Variants in EFR3A observed in about 807,000 individuals in gnomAD.
EFR3A encodes the protein protein EFR3 homolog A.
EFR3A carries 76 observed loss-of-function variants against 104.4 expected under a neutral mutation model. The observed-to-expected ratio is 0.73, with a 90% CI of 0.60 to 0.88. The LOEUF is 0.88. Ranked by LOEUF, EFR3A falls within the 40% of genes least tolerant of loss-of-function variation. EFR3A has a pLI of 0.00. For synonymous variants in EFR3A, 330 were observed against 330.0 expected (o/e 1.00, Z 0.00); for missense variants, 985 against 1,012.5 (o/e 0.97, Z 0.37).
At chr8:132,010,749 G>T in intron 22 of EFR3A, 41 bp from the exon 23 acceptor site, 1 of 1,602,000 alleles carries the variant, frequency 6.2e-7, no homozygotes. Context: ...TGAACAGCTT[G>T]TAAGTACACC....
At chr8:131,965,070 A>T (rs1483430431) in intron 8 of EFR3A, among the ~76,000 whole-genome samples, 1 of 152,194 alleles carries the variant, frequency 6.6e-6, no homozygotes, top group Non-Finnish European at 1.5e-5. Context: ...TTAATTCAAG[A>T]TGGATTAAAG....
At chr8:132,001,249 A>G (rs1338263079) in intron 19 of EFR3A, among the ~76,000 whole-genome samples, 1 of 152,246 alleles carries the variant, frequency 6.6e-6, no homozygotes, top group African/African-American at 2.4e-5. Context: ...AGTGGTTCTA[A>G]CTTTTAAATC....
Position 131,938,322 on chromosome 8 carries a change from C to A in EFR3A, c.11-2177C>A, listed in dbSNP as rs115924161. ...CCTACATTTCTATACTTGAGTAGGT[C>A]CAATGATTTTATTTTACTTGTTCTG... On this transcript the variant is annotated intron_variant, in intron 1 of 22. Coordinates refer to ENST00000254624, the MANE Select transcript of EFR3A (RefSeq NM_015137.6). The A allele has an allele frequency of 2.5e-3, 1,005 of 397,536 alleles. 14 individuals carry two copies. Among genetic ancestry groups the A allele is most frequent in the African/African-American group, 0.019 (908 of 48,556 alleles). The allele number at this position is 397,536 out of a possible 1,614,324, so 24.6% of individuals were successfully genotyped here. A position where few individuals can be genotyped will look rare whatever the true frequency, so the allele number is the denominator to read the frequency against.
intron 1 of EFR3A, chr8:131,939,866 C>T: frequency 6.6e-6 from 1 of 152,160 alleles, no homozygotes; most frequent in South Asian, 2.1e-4. Flanking sequence ...AACAATGATC[C>T]CTGCCTTCAT....
intron 8 of EFR3A, among the ~76,000 whole-genome samples, chr8:131,960,659 C>G (rs968612291): frequency 3.5e-4 from 53 of 152,294 alleles, no homozygotes; most frequent in African/African-American, 1.3e-3. Flanking sequence ...ATTTCACCCT[C>G]TCTCCATAAA....
At chr8:132,001,830 G>T (rs1218665386) in intron 20 of EFR3A, 23 bp downstream of exon 20, 13 of 1,596,460 alleles carry the variant, frequency 8.1e-6, no homozygotes, top group Middle Eastern at 1.7e-4. Context: ...GCACTTGTTA[G>T]TACTACCAAT....
Position 132,013,290 on chromosome 8 carries a change from TTA to T in EFR3A, c.*2398_*2399del, listed in dbSNP as rs1386028036. On this transcript the variant is annotated 3_prime_UTR_variant, in exon 23 of 23. Transcript: ENST00000254624. Reference sequence around the variant, plus strand: ...CTGTACTTGTGTTGTCTGTGACCGCTTATAGAGTTTTATTGTTATTGGTGTTT... The same window carrying T: ...CTGTACTTGTGTTGTCTGTGACCGCTTAGAGTTTTATTGTTATTGGTGTTT... 1 of 152,636 alleles carries T rather than the reference TTA, an allele frequency of 6.6e-6. No homozygotes were observed. Among genetic ancestry groups the T allele is most frequent in the African/African-American group, 2.4e-5 (1 of 41,458 alleles). 9.5% of individuals were successfully genotyped at this position (152,636 alleles called of 1,614,324 possible). A position where few individuals can be genotyped will look rare whatever the true frequency, so the allele number is the denominator to read the frequency against.
In EFR3A at chr8:131,904,095, C is replaced by T. The variant is rs1025641023; in HGVS notation, c.-218C>T. The T allele has an allele frequency of 1.1e-5, 5 of 440,396 alleles. No homozygotes were observed. Among genetic ancestry groups the T allele is most frequent in the East Asian group, 7.9e-5 (2 of 25,432 alleles). The allele number at this position is 440,396 out of a possible 1,614,324, so 27.3% of individuals were successfully genotyped here. A position where few individuals can be genotyped will look rare whatever the true frequency, so the allele number is the denominator to read the frequency against. ...CGCTGACGTAACGGGCGTGGGTCGT[C>T]CGTCGCGCCGCCCGGCGAGGAGTGG... On this transcript the variant is annotated 5_prime_UTR_variant, in exon 1 of 23. Coordinates refer to ENST00000254624, the MANE Select transcript of EFR3A (RefSeq NM_015137.6).
At chr8:131,965,710 G>A (rs1033997308) in intron 8 of EFR3A, among the ~76,000 whole-genome samples, 2 of 151,860 alleles carry the variant, frequency 1.3e-5, no homozygotes, top group African/African-American at 4.8e-5. Context: ...CCCATTACTG[G>A]GTATATACCC....
At chr8:131,983,016 T>C (rs1158180282) in intron 14 of EFR3A, among the ~76,000 whole-genome samples, 1 of 152,174 alleles carries the variant, frequency 6.6e-6, no homozygotes, top group Non-Finnish European at 1.5e-5. Context: ...GCTGGAGAAC[T>C]ATAGGCCTCC....
intron 1 of EFR3A, among the ~76,000 whole-genome samples, chr8:131,928,853 A>G (rs540290142): frequency 1.3e-5 from 2 of 152,086 alleles, no homozygotes; most frequent in African/African-American, 4.8e-5. Context: ...TACCTTTGTA[A>G]AAAGTACAGT....
In EFR3A at chr8:131,953,960, G is replaced by A. The variant is rs1212589156; in HGVS notation, c.631G>A (p.Val211Ile). 6.5e-7 allele frequency: 1 copy of A among 1,538,732 alleles called. No individual in the cohort carries two copies. The highest frequency in any genetic ancestry group is 8.8e-7 in the Non-Finnish European group (1 of 1,141,214). Residue 211 changes from valine to isoleucine, a missense_variant, in exon 6 of 23, where the codon GTT (valine) becomes ATT (isoleucine). Physicochemically the swap from Val to Ile is conservative, Grantham distance 29 (BLOSUM62 3). Coordinates refer to ENST00000254624, the MANE Select transcript of EFR3A (RefSeq NM_015137.6). ...GTTTAACATGCAAAAGATAGAAGAA[G>A]TTGACAGGTATTTAAAAAAATATTA... is the stretch of plus-strand genomic sequence containing the variant. Reference protein sequence around the residue: ...LLFNMQKIEEVDSRIGPPSSP... With the variant: ...LLFNMQKIEEIDSRIGPPSSP...
At chr8:131,925,984 A>C (rs1817278961) in intron 1 of EFR3A, among the ~76,000 whole-genome samples, 1 of 152,106 alleles carries the variant, frequency 6.6e-6, no homozygotes, top group South Asian at 2.1e-4. Flanking sequence ...TTTTAAAATA[A>C]ATGCAACAAG....
At chr8:131,926,148 T>C (rs997434928) in intron 1 of EFR3A, among the ~76,000 whole-genome samples, 2 of 152,260 alleles carry the variant, frequency 1.3e-5, no homozygotes, top group African/African-American at 4.8e-5. Flanking sequence ...ATAAAAATTA[T>C]AAACAATATA....
chr8:131,961,233 G>A (rs1447422472), intron 8 of EFR3A, among the ~76,000 whole-genome samples: 2 of 152,200 alleles, frequency 1.3e-5, no homozygotes, highest in Non-Finnish European at 2.9e-5. Flanking sequence ...CAAGTTGAGA[G>A]AAGAAGGCTT....
chr8:131,956,025 T>A, intron 7 of EFR3A, 120 bp downstream of exon 7: 1 of 1,188,798 alleles, frequency 8.4e-7, no homozygotes, highest in Non-Finnish European at 1.2e-6. Context: ...GGAACCAGTG[T>A]AACATTGTGA....
intron 19 of EFR3A, among the ~76,000 whole-genome samples, chr8:131,996,701 G>T (rs1418025290): frequency 6.6e-6 from 1 of 151,952 alleles, no homozygotes; most frequent in Non-Finnish European, 1.5e-5. Flanking sequence ...TGTCTGTAAA[G>T]ATATATAAAC....
intron 19 of EFR3A, among the ~76,000 whole-genome samples, chr8:132,001,254 T>C (rs1821767133): frequency 6.6e-6 from 1 of 152,240 alleles, no homozygotes; most frequent in Admixed American, 6.5e-5. Flanking sequence ...TTCTAACTTT[T>C]AAATCATTTA....
intron 19 of EFR3A, among the ~76,000 whole-genome samples, chr8:131,998,907 C>T (rs1022923010): frequency 2.6e-5 from 4 of 151,718 alleles, no homozygotes; most frequent in Non-Finnish European, 5.9e-5. Context: ...ATTTTTATAA[C>T]GATACCTAAT....
Sources: allele counts gnomAD v4.1 joint callset (sites outside exome capture counted in the v4.1 genomes callset), GRCh38; gene constraint gnomAD v4.1.1; transcripts MANE v1.5; gene names NCBI Gene and HGNC (gene_info 2026-07-23, HGNC 2026-07-21).